Variants in SERGEF observed in about 807,000 individuals in gnomAD.
SERGEF encodes secretion-regulating guanine nucleotide exchange factor.
Under a neutral mutation model 50.0 loss-of-function variants are expected in SERGEF, and 51 were observed. That is an observed-to-expected ratio of 1.02 (90% CI 0.81 to 1.29). The LOEUF (loss-of-function observed/expected upper bound fraction) is 1.29, where lower values mean the gene tolerates loss of function less well. Among genes scored for constraint, SERGEF ranks in the 50% most tolerant of loss-of-function variants. The probability of loss-of-function intolerance (pLI) is 0.00; values close to 1 mark genes in which losing one functional copy is unlikely to be tolerated. For synonymous variants in SERGEF, 205 were observed against 212.4 expected, an observed-to-expected ratio of 0.97 and a Z score of 0.30; for missense variants, 521 against 557.0, an observed-to-expected ratio of 0.94 and a Z score of 0.65.
At chr11:17,979,893 GCAGA>G (rs1853457931) in intron 8 of SERGEF, among the ~76,000 whole-genome samples, 1 of 152,176 alleles carries the variant, frequency 6.6e-6, no homozygotes, top group African/African-American at 2.4e-5. Flanking sequence ...ATCTTCACCT[GCAGA>G]CACAGCCGCT....
At chr11:17,801,112 G>C (rs1027168871) in intron 10 of SERGEF, among the ~76,000 whole-genome samples, 1 of 151,366 alleles carries the variant, frequency 6.6e-6, no homozygotes, top group African/African-American at 2.4e-5. Context: ...GGAGAACGGC[G>C]TGAACCTGGG....
chr11:17,820,341 C>T (rs1276017431), intron 10 of SERGEF, among the ~76,000 whole-genome samples: 1 of 152,122 alleles, frequency 6.6e-6, no homozygotes, highest in African/African-American at 2.4e-5. Context: ...GTCATACTGC[C>T]TGGTAATAGC....
At chr11:17,974,413 A>C (rs1185215764) in intron 8 of SERGEF, among the ~76,000 whole-genome samples, 1 of 152,222 alleles carries the variant, frequency 6.6e-6, no homozygotes, top group Non-Finnish European at 1.5e-5. Flanking sequence ...TGGGAGAGGC[A>C]TCTGCTACTG....
intron 10 of SERGEF, among the ~76,000 whole-genome samples, chr11:17,801,190 G>A (rs537488034): frequency 6.4e-5 from 5 of 78,724 alleles, no homozygotes; most frequent in Admixed American, 1.7e-4. Context: ...GCGAGACTCC[G>A]TCTCAAAAAA....
chr11:17,963,729 A>G (rs1853063795), intron 8 of SERGEF, among the ~76,000 whole-genome samples: 1 of 152,174 alleles, frequency 6.6e-6, no homozygotes, highest in Non-Finnish European at 1.5e-5. Context: ...ATATATGTAC[A>G]TTAATTTATT....
At chr11:17,905,268 C>A (rs1421428893) in intron 9 of SERGEF, among the ~76,000 whole-genome samples, 3 of 152,222 alleles carry the variant, frequency 2.0e-5, no homozygotes, top group Non-Finnish European at 2.9e-5. Context: ...CAAACATTGT[C>A]TTTAAAGCAA....
chr11:18,008,052 C>T lies in SERGEF; in HGVS notation c.85G>A (p.Gly29Ser), dbSNP rs1389790587. Residue 29 changes from glycine (G) to serine (S), a missense_variant, in exon 2 of 11, where the codon GGC becomes AGC. Transcript: ENST00000265965. ...AWGANSYGQLGLGHKEDVLLP... is the reference protein window; with the variant it reads ...AWGANSYGQLSLGHKEDVLLP... ...AGCACATCTTCCTTATGGCCGAGGC[C>T]AAGTTGCCCATAGCTATTTGCACCC... 6 of 1,613,878 alleles carry T rather than the reference C, an allele frequency of 3.7e-6. No homozygotes were observed. The highest frequency in any genetic ancestry group is 1.3e-5 in the African/African-American group (1 of 74,884).
chr11:18,006,703 T>C lies in SERGEF; in HGVS notation c.240A>G (p.Gln80=), dbSNP rs779164554. The C allele has an allele frequency of 5.6e-6, 9 of 1,614,118 alleles. No homozygotes were observed. In the East Asian group the frequency reaches 1.1e-4, roughly 20 times the overall value. The change falls in exon 3 of 11, where the codon CAA becomes CAG. Residue 80 remains glutamine (Q), a synonymous_variant. Transcript: ENST00000265965. ...LFVCGLNKDG[Q]LGLGHTEDIP... ...TATCCTCTGTGTGACCAAGCCCCAG[T>C]TGCCCATCTTTGTTCAGGCCACAAA... is the stretch of plus-strand genomic sequence containing the variant.
chr11:17,790,901 T>C (rs1849474415), intron 10 of SERGEF, among the ~76,000 whole-genome samples: 1 of 152,238 alleles, frequency 6.6e-6, no homozygotes, highest in Non-Finnish European at 1.5e-5. Flanking sequence ...CCGTTTAAGT[T>C]GCCTCTTCTG....
chr11:17,845,089 T>C (rs1183812518), intron 10 of SERGEF, among the ~76,000 whole-genome samples: 7 of 152,176 alleles, frequency 4.6e-5, no homozygotes, highest in Non-Finnish European at 8.8e-5. Context: ...TCCTCTGAGT[T>C]CATGGAGCAA....
At chr11:17,846,679 T>A (rs772096638) in intron 10 of SERGEF, 1 of 456,238 alleles carries the variant, frequency 2.2e-6, no homozygotes, top group South Asian at 1.5e-5. Context: ...AACACTGTGA[T>A]CTTGAGTATA....
chr11:17,914,927 A>G (rs189356416), intron 9 of SERGEF, among the ~76,000 whole-genome samples: 64 of 152,370 alleles, frequency 4.2e-4, no homozygotes, highest in Non-Finnish European at 6.0e-4. Context: ...AGGTCAGATG[A>G]TAAGTGCCAG....
chr11:17,836,478 T>TA (rs1850400303), intron 10 of SERGEF, among the ~76,000 whole-genome samples: 1 of 152,230 alleles, frequency 6.6e-6, no homozygotes, highest in East Asian at 1.9e-4. Flanking sequence ...TAGTATTCAA[T>TA]AGAACAGCTA....
chr11:17,797,954 G>A (rs570713252), intron 10 of SERGEF, among the ~76,000 whole-genome samples: 1 of 152,234 alleles, frequency 6.6e-6, no homozygotes, highest in South Asian at 2.1e-4. Context: ...AGGCTGGGCT[G>A]AGACAAACCA....
chr11:17,806,964 C>G (rs2133831057), intron 10 of SERGEF, among the ~76,000 whole-genome samples: 3 of 152,272 alleles, frequency 2.0e-5, no homozygotes, highest in African/African-American at 7.2e-5. Flanking sequence ...CCCCTTACTT[C>G]TCTCCTCCAG....
intron 9 of SERGEF, among the ~76,000 whole-genome samples, chr11:17,890,104 C>A (rs1327944629): frequency 3.3e-5 from 5 of 151,430 alleles, no homozygotes; most frequent in Non-Finnish European, 7.4e-5. Context: ...GCATCAGAAC[C>A]TACATGAGAA....
In SERGEF at chr11:17,959,414, T is replaced by C. The variant is rs763244891; in HGVS notation, c.1011+56A>G. ...CACACAGTAGGCCCTCAGTAAATGA[T>C]TCACTGAAAGACAAGAAAAAGGGAC... On this transcript the variant is annotated intron_variant, in intron 9 of 10. Coordinates refer to ENST00000265965, the MANE Select transcript of SERGEF (RefSeq NM_012139.4). 5.3e-6 allele frequency: 8 copies of C among 1,519,538 alleles called. No homozygotes were observed. In the East Asian group the frequency reaches 6.8e-5, roughly 13 times the overall value. The allele number at this position is 1,519,538 out of a possible 1,614,324, so 94.1% of individuals were successfully genotyped here. A position where few individuals can be genotyped will look rare whatever the true frequency, so the allele number is the denominator to read the frequency against.
intron 9 of SERGEF, among the ~76,000 whole-genome samples, chr11:17,898,407 C>G (rs1158825873): frequency 6.6e-6 from 1 of 152,182 alleles, no homozygotes; most frequent in African/African-American, 2.4e-5. Flanking sequence ...GTGAACTTGG[C>G]CAAGTTACTA....
At chr11:17,943,164 T>C (rs1852592006) in intron 9 of SERGEF, among the ~76,000 whole-genome samples, 1 of 152,176 alleles carries the variant, frequency 6.6e-6, no homozygotes, top group South Asian at 2.1e-4. Flanking sequence ...TTTCCTTACT[T>C]AAATATCTGA....
Sources: gnomAD v4.1 joint callset for allele counts (sites outside exome capture counted in the v4.1 genomes callset) on GRCh38, gnomAD v4.1.1 for gene constraint, MANE v1.5 for transcripts, NCBI Gene and HGNC (gene_info 2026-07-23, HGNC 2026-07-21) for gene names.